Variants in LAMC2 observed in about 807,000 individuals in gnomAD.
The protein encoded by LAMC2 is laminin subunit gamma 2.
A neutral mutation model predicts 140.2 loss-of-function variants in LAMC2; 97 were observed. That is an observed-to-expected ratio of 0.69 (90% CI 0.59 to 0.82). The LOEUF is 0.82. Among genes scored for constraint, LAMC2 ranks in the 40% least tolerant of loss-of-function variants. The probability of loss-of-function intolerance (pLI) is 0.00; values close to 1 mark genes in which losing one functional copy is unlikely to be tolerated. For missense variants in LAMC2, 1,402 were observed against 1,476.1 expected (o/e 0.95, Z 0.82); for synonymous variants, 513 against 540.2 (o/e 0.95, Z 0.70).
At chr1:183,239,154 C>T (rs1660051136) in intron 19 of LAMC2, among the ~76,000 whole-genome samples, 1 of 152,178 alleles carries the variant, frequency 6.6e-6, no homozygotes, top group Non-Finnish European at 1.5e-5. Flanking sequence ...TCAGGGCAGG[C>T]TGATTGTCGG....
chr1:183,246,835 T>A (rs1660252187), downstream of LAMC2, among the ~76,000 whole-genome samples: 1 of 152,234 alleles, frequency 6.6e-6, no homozygotes, highest in South Asian at 2.1e-4. Flanking sequence ...AGAACATAGA[T>A]TAGAATTTTT....
chr1:183,200,050 G>A lies in LAMC2; in HGVS notation c.80-7831G>A, dbSNP rs555645323. On this transcript the variant is annotated intron_variant, in intron 1 of 22. Transcript: ENST00000264144. ...ATTTCACAGATTATACAAAGACAGC[G>A]ATTAGATCACCTTAGTGAAAAGCAG... 9.2e-5 allele frequency among the ~76,000 whole-genome samples: 14 copies of A among 152,336 alleles called. No individual in the cohort carries two copies. The South Asian group carries it at 1.9e-3, about 20-fold the overall frequency.
intron 8 of LAMC2, 134 bp from the exon 9 acceptor site, chr1:183,226,564 C>G: frequency 1.3e-6 from 1 of 788,304 alleles, no homozygotes; most frequent in South Asian, 1.5e-5. Context: ...TGCCATACCT[C>G]TCTACATGGC....
chr1:183,222,041 A>G (rs1273359142), intron 5 of LAMC2, 48 bp from the exon 6 acceptor site: 1 of 1,613,178 alleles, frequency 6.2e-7, no homozygotes, highest in East Asian at 2.2e-5. Context: ...TTAACTTAAT[A>G]GATGATGAGG....
intron 5 of LAMC2, among the ~76,000 whole-genome samples, chr1:183,221,590 G>A (rs769381977): frequency 3.3e-5 from 5 of 152,044 alleles, no homozygotes; most frequent in Non-Finnish European, 5.9e-5. Flanking sequence ...TTAGCCGGGC[G>A]TAGTGGTGGG....
In LAMC2 at chr1:183,243,557, GTGGTTGT is replaced by G; in HGVS notation, c.*158_*164del. 1.1e-6 allele frequency: 1 copy of G among 883,476 alleles called. No homozygotes were observed. The highest frequency in any genetic ancestry group is 2.0e-5 in the Admixed American group (1 of 50,736). The allele number at this position is 883,476 out of a possible 1,614,324, so 54.7% of individuals were successfully genotyped here. A position where few individuals can be genotyped will look rare whatever the true frequency, so the allele number is the denominator to read the frequency against. On this transcript the variant is annotated 3_prime_UTR_variant, in exon 23 of 23. Coordinates refer to ENST00000264144, the MANE Select transcript of LAMC2 (RefSeq NM_005562.3). ...ACCCCATTCCTGATCCCATGGCCAG[GTGGTTGT>G]CTTATTGCACCATACTCCTTGCTTC...
Position 183,237,377 on chromosome 1 carries a change from A to G in LAMC2, c.2627A>G (p.Gln876Arg), listed in dbSNP as rs150206229. The G allele has an allele frequency of 2.5e-6, 4 of 1,614,094 alleles. No individual in the cohort carries two copies. Among genetic ancestry groups the G allele is most frequent in the African/African-American group, 2.7e-5 (2 of 74,938 alleles). The change falls in exon 18 of 23, where the codon CAA becomes CGA. Residue 876 changes from glutamine to arginine, a missense_variant. Around this residue, in one of 3 missense-constraint regions of LAMC2, gnomAD observed 670 missense variants for 667.2 expected, o/e 1.00. Coordinates refer to ENST00000264144, the MANE Select transcript of LAMC2 (RefSeq NM_005562.3). ...FQVEEAKRIK[Q>R]KADSLSSLVT... ...GTGGAAGAAGCAAAGAGGATCAAAC[A>G]AAAAGCGGATTCACTCTCAAGCCTG...
At position 183,239,329 on chromosome 1, in the gene LAMC2, A is replaced by G. The variant is rs1334592294; in HGVS notation, c.2870-35A>G. On this transcript the variant is annotated intron_variant, in intron 19 of 22. Coordinates refer to ENST00000264144, the MANE Select transcript of LAMC2 (RefSeq NM_005562.3). ...TTCACTCATTTGTAAATTTGCTTTC[A>G]TCTTCACGGCAGTTTTTTCTTTTCT... is the stretch of plus-strand genomic sequence containing the variant. 5 of 1,600,994 alleles carry G rather than the reference A, an allele frequency of 3.1e-6. No homozygotes were observed. The African/African-American group carries it at 4.0e-5, about 13-fold the overall frequency.
At chr1:183,232,602 C>G (rs1659833205) in intron 13 of LAMC2, 50 bp from the exon 14 acceptor site, 1 of 1,522,156 alleles carries the variant, frequency 6.6e-7, no homozygotes, top group East Asian at 2.3e-5. Context: ...TTTGCTAACT[C>G]TATGCTGACC....
At position 183,235,608 on chromosome 1, in the gene LAMC2, G is replaced by A. The variant is rs760487987; in HGVS notation, c.2334G>A (p.Leu778=). 3.1e-6 allele frequency: 5 copies of A among 1,614,092 alleles called. No homozygotes were observed. The highest frequency in any genetic ancestry group is 1.3e-5 in the African/African-American group (1 of 74,936). Residue 778 remains leucine, a synonymous_variant, in exon 16 of 23, where the codon CTG becomes CTA. Transcript: ENST00000264144. ...HVESASNMEQ[L]TRETEDYSKQ... is the part of the protein sequence containing the mutation. ...AGTCAGCCAGTAACATGGAGCAACT[G>A]ACAAGGGAAACTGAGGACTATTCCA...
At chr1:183,227,719 G>A (rs903778646) in intron 10 of LAMC2, 22 bp downstream of exon 10, 1 of 1,609,672 alleles carries the variant, frequency 6.2e-7, no homozygotes, top group African/African-American at 1.3e-5. Flanking sequence ...GGTCTGCTCT[G>A]CCACCTGCCT....
chr1:183,205,585 T>C (rs1658857492), intron 1 of LAMC2, among the ~76,000 whole-genome samples: 1 of 152,156 alleles, frequency 6.6e-6, no homozygotes, highest in African/African-American at 2.4e-5. Context: ...CCTAGGATGG[T>C]AGTCAAGAAG....
chr1:183,235,793 A>C (rs1247455434), intron 16 of LAMC2, 63 bp downstream of exon 16: 5 of 1,569,764 alleles, frequency 3.2e-6, no homozygotes, highest in Non-Finnish European at 4.4e-6. Flanking sequence ...GCAAAATGCT[A>C]ACCGTACTTG....
At chr1:183,187,083 A>G (rs1373769653) in intron 1 of LAMC2, among the ~76,000 whole-genome samples, 4 of 152,036 alleles carry the variant, frequency 2.6e-5, no homozygotes, top group African/African-American at 4.8e-5. Context: ...GAACCTAGCA[A>G]CTCTTAACTG....
chr1:183,206,248 G>A lies in LAMC2; in HGVS notation c.80-1633G>A, dbSNP rs150900189. Reference sequence around the variant, plus strand: ...TAAAGTCCTAGAAACAGTATGCTTTGGATAAGTGTTAGCTGACTTTTCTAG... The same window carrying A: ...TAAAGTCCTAGAAACAGTATGCTTTAGATAAGTGTTAGCTGACTTTTCTAG... On this transcript the variant is annotated intron_variant, in intron 1 of 22. Transcript: ENST00000264144. Among the ~76,000 whole-genome samples the A allele has an allele frequency of 1.7e-3, 260 of 152,288 alleles. 1 individual carries two copies. The highest frequency in any genetic ancestry group is 5.7e-3 in the African/African-American group (238 of 41,552).
At position 183,228,184 on chromosome 1, in the gene LAMC2, C is replaced by A. The variant is rs1659688790; in HGVS notation, c.1469-190C>A. Among the ~76,000 whole-genome samples the A allele has an allele frequency of 6.6e-6, 1 of 152,186 alleles. No individual in the cohort carries two copies. On this transcript the variant is annotated intron_variant, in intron 10 of 22. Coordinates refer to ENST00000264144, the MANE Select transcript of LAMC2 (RefSeq NM_005562.3). This position sits in a 1 kb window ranked among gnomAD's most constrained non-coding sequence, Gnocchi z 4.3. Reference sequence around the variant, plus strand: ...CTAGTGGCGCTACTGTGTTCTGCAACCTGCAGTGGGCATGGAGAGAGAGGG... The same window carrying A: ...CTAGTGGCGCTACTGTGTTCTGCAAACTGCAGTGGGCATGGAGAGAGAGGG...
chr1:183,215,601 A>G lies in LAMC2; in HGVS notation c.404+13A>G, dbSNP rs1558087625. On this transcript the variant is annotated intron_variant, in intron 3 of 22. Coordinates refer to ENST00000264144, the MANE Select transcript of LAMC2 (RefSeq NM_005562.3). Reference sequence around the variant, plus strand: ...ACCAGAGACTGCTGTGAGTATTTGCATCCCACCATGGCTGTCACTAACTCA... The same window carrying G: ...ACCAGAGACTGCTGTGAGTATTTGCGTCCCACCATGGCTGTCACTAACTCA... 1 of 1,614,148 alleles carries G rather than the reference A, an allele frequency of 6.2e-7. No homozygotes were observed. The highest frequency in any genetic ancestry group is 8.5e-7 in the Non-Finnish European group (1 of 1,180,010).
At chr1:183,218,062 C>T (rs1365613227) in intron 3 of LAMC2, among the ~76,000 whole-genome samples, 1 of 152,148 alleles carries the variant, frequency 6.6e-6, no homozygotes, top group African/African-American at 2.4e-5. Flanking sequence ...AAAATGTAAA[C>T]TGAGCCAAAC....
At chr1:183,227,073 C>T (rs1659649255) in intron 9 of LAMC2, among the ~76,000 whole-genome samples, 157 bp downstream of exon 9, 1 of 152,142 alleles carries the variant, frequency 6.6e-6, no homozygotes, top group Non-Finnish European at 1.5e-5. Flanking sequence ...CCTTATTACA[C>T]TCAATCCTCT....
Sources: gnomAD v4.1 joint callset for allele counts (sites outside exome capture counted in the v4.1 genomes callset) on GRCh38, gnomAD v4.1.1 for gene constraint, gnomAD v4.1.1 regional missense constraint, Gnocchi (gnomAD v3.1) non-coding constraint, MANE v1.5 for transcripts, NCBI Gene and HGNC (gene_info 2026-07-23, HGNC 2026-07-21) for gene names.